The following ZNF358 variants were observed in gnomAD, a reference collection of about 807,000 sequenced individuals.
ZNF358 encodes zinc finger protein 358.
Under a neutral mutation model 2.1 loss-of-function variants are expected in ZNF358, and 1 was observed. The observed-to-expected ratio is 0.49, with a 90% CI of 0.17 to 2.30. The LOEUF is 2.30. ZNF358 is among the 30% of genes most tolerant of loss of function. ZNF358 has a pLI of 0.26. For missense variants in ZNF358, 665 were observed against 806.8 expected (o/e 0.82, Z 2.13); for synonymous variants, 381 against 359.7 (o/e 1.06, Z -0.67).
Position 7,520,693 on chromosome 19 carries a change from C to A in ZNF358, c.1451C>A (p.Ser484Tyr), listed in dbSNP as rs1445758472. The change falls in exon 2 of 2, where the codon TCC becomes TAC. Residue 484 changes from serine to tyrosine, a missense_variant. Coordinates refer to ENST00000597229, the MANE Select transcript of ZNF358 (RefSeq NM_018083.5). The surrounding 1 kb of genome is among the most constrained non-coding windows in gnomAD (Gnocchi z 6.0). ...PSSKPLPGSR[S>Y]TPSPTPVESS... ...TCCAAACCCCTCCCCGGCTCCAGAT[C>A]CACCCCCAGCCCTACTCCTGTGGAA... The A allele has an allele frequency of 6.2e-7, 1 of 1,613,752 alleles. No homozygotes were observed. Among genetic ancestry groups the A allele is most frequent in the South Asian group, 1.1e-5 (1 of 91,080 alleles).
rs1314385637 is a variant in ZNF358, at chr19:7,519,573, G to C, written c.331G>C (p.Asp111His). ...PVPLILDPNS[D>H]TLSPGDPKVD... ...ACCCCTGATTCTCGATCCTAACAGCGACACCCTCAGCCCCGGCGATCCAAA... is the reference window on the plus strand; with the variant it reads ...ACCCCTGATTCTCGATCCTAACAGCCACACCCTCAGCCCCGGCGATCCAAA... Residue 111 changes from aspartate (D) to histidine (H), a missense_variant, in exon 2 of 2, where the codon GAC (aspartate) becomes CAC (histidine). Asp to His is a moderately conservative substitution (Grantham distance 81). Around this residue, in one of 3 missense-constraint regions of ZNF358, gnomAD observed 206 missense variants for 228.4 expected, o/e 0.90. Transcript: ENST00000597229. 1.2e-6 allele frequency: 2 copies of C among 1,601,072 alleles called. No individual in the cohort carries two copies. Among genetic ancestry groups the C allele is most frequent in the Non-Finnish European group, 1.7e-6 (2 of 1,179,902 alleles).
At chr19:7,518,598 A>AGAAG (rs111382515) in intron 1 of ZNF358, among the ~76,000 whole-genome samples, 1 of 142,366 alleles carries the variant, frequency 7.0e-6, no homozygotes, top group South Asian at 2.2e-4. Flanking sequence ...AAAGAAAGAA[A>AGAAG]GAATTGAAGT....
rs1331553445 is a variant in ZNF358 at position 7,519,577 on chromosome 19, C to T, written c.335C>T (p.Thr112Ile). 1.2e-6 allele frequency: 2 copies of T among 1,600,890 alleles called. No homozygotes were observed. Among genetic ancestry groups the T allele is most frequent in the Non-Finnish European group, 1.7e-6 (2 of 1,179,924 alleles). ...VPLILDPNSD[T>I]LSPGDPKVDP... ...CTGATTCTCGATCCTAACAGCGACA[C>T]CCTCAGCCCCGGCGATCCAAAAGTG... is the stretch of plus-strand genomic sequence containing the variant. The change falls in exon 2 of 2, where the codon ACC (threonine) becomes ATC (isoleucine). Residue 112 changes from threonine to isoleucine, a missense_variant. Transcript: ENST00000597229.
In ZNF358 at chr19:7,519,633, C is replaced by T; in HGVS notation, c.391C>T (p.Pro131Ser). The T allele has an allele frequency of 6.3e-7, 1 of 1,593,472 alleles. No individual in the cohort carries two copies. Among genetic ancestry groups the T allele is most frequent in the African/African-American group, 1.3e-5 (1 of 74,946 alleles). Residue 131 changes from proline to serine, a missense_variant, in exon 2 of 2, where the codon CCC (proline) becomes TCC (serine). Pro to Ser is a moderately conservative substitution (Grantham distance 74). Transcript: ENST00000597229. ...DPISSGLTATPQVLATSPAVL... is the reference protein window; with the variant it reads ...DPISSGLTATSQVLATSPAVL... ...CATCTCCTCTGGCCTCACTGCCACCCCCCAGGTCTTGGCCACCAGCCCCGC... is the reference window on the plus strand; with the variant it reads ...CATCTCCTCTGGCCTCACTGCCACCTCCCAGGTCTTGGCCACCAGCCCCGC...
In ZNF358 at chr19:7,519,863, C is replaced by T; in HGVS notation, c.621C>T (p.Tyr207=). The T allele has an allele frequency of 6.5e-7, 1 of 1,531,594 alleles. No individual in the cohort carries two copies. Among genetic ancestry groups the T allele is most frequent in the East Asian group, 2.5e-5 (1 of 40,688 alleles). The allele number at this position is 1,531,594 out of a possible 1,614,324, so 94.9% of individuals were successfully genotyped here. ...GCATCCACACTGGGGCGCGGCCGTACCAGTGCGCGGCCTGCGGCAAGGCCT... is the reference window on the plus strand; with the variant it reads ...GCATCCACACTGGGGCGCGGCCGTATCAGTGCGCGGCCTGCGGCAAGGCCT... ...HRGIHTGARP[Y]QCAACGKAFG... Residue 207 remains tyrosine (Y), a synonymous_variant, in exon 2 of 2, where the codon TAC becomes TAT. Transcript: ENST00000597229.
rs754010867 is a variant in ZNF358, at chr19:7,520,223, C to T, written c.981C>T (p.Ala327=). ...RPYRCPHCGK[A]FGQSSNLQHH... Reference sequence around the variant, plus strand: ...ACCGCTGCCCCCACTGCGGCAAAGCCTTCGGGCAGAGCTCCAACTTGCAAC... The same window carrying T: ...ACCGCTGCCCCCACTGCGGCAAAGCTTTCGGGCAGAGCTCCAACTTGCAAC... Residue 327 remains alanine, a synonymous_variant, in exon 2 of 2, where the codon GCC becomes GCT. Coordinates refer to ENST00000597229, the MANE Select transcript of ZNF358 (RefSeq NM_018083.5). This position sits in a 1 kb window ranked among gnomAD's most constrained non-coding sequence, Gnocchi z 6.0. 13 of 1,606,544 alleles carry T rather than the reference C, an allele frequency of 8.1e-6. No individual in the cohort carries two copies. The highest frequency in any genetic ancestry group is 1.7e-5 in the Admixed American group (1 of 59,972).
chr19:7,519,613 C>A lies in ZNF358; in HGVS notation c.371C>A (p.Ser124Tyr), dbSNP rs770217660. 8 of 1,598,056 alleles carry A rather than the reference C, an allele frequency of 5.0e-6. No homozygotes were observed. Among genetic ancestry groups the A allele is most frequent in the Non-Finnish European group, 5.9e-6 (7 of 1,179,048 alleles). The change falls in exon 2 of 2, where the codon TCC becomes TAC. Residue 124 changes from serine (S) to tyrosine (Y), a missense_variant. By Grantham distance (144) the Ser-to-Tyr change is moderately radical. Around this residue, in one of 3 missense-constraint regions of ZNF358, gnomAD observed 206 missense variants for 228.4 expected, o/e 0.90. Transcript: ENST00000597229. ...GGCGATCCAAAAGTGGACCCCATCT[C>A]CTCTGGCCTCACTGCCACCCCCCAG... is the stretch of plus-strand genomic sequence containing the variant. ...SPGDPKVDPI[S>Y]SGLTATPQVL...
Position 7,520,602 on chromosome 19 carries a change from C to A in ZNF358, c.1360C>A (p.Pro454Thr). 1 of 1,445,368 alleles carries A rather than the reference C, an allele frequency of 6.9e-7. No individual in the cohort carries two copies. Among genetic ancestry groups the A allele is most frequent in the Non-Finnish European group, 9.5e-7 (1 of 1,049,524 alleles). 89.5% of individuals were successfully genotyped at this position (1,445,368 alleles called of 1,614,324 possible). Residue 454 changes from proline (P) to threonine (T), a missense_variant, in exon 2 of 2, where the codon CCT becomes ACT. Transcript: ENST00000597229. The surrounding 1 kb of genome is among the most constrained non-coding windows in gnomAD (Gnocchi z 6.0). ...SVLGSGLGLS[P>T]GTSSGRNPDP... ...GCTCGGCTCTGGCTTGGGCCTCAGC[C>A]CTGGCACCAGCTCTGGCCGCAACCC...
upstream of ZNF358, chr19:7,513,995 T>C (rs2022304582): frequency 1.3e-5 from 2 of 152,218 alleles, no homozygotes; most frequent in Admixed American, 6.5e-5. Flanking sequence ...GAATGAGTTC[T>C]GTGGCTTCAG....
In ZNF358 at chr19:7,520,109, G is replaced by A; in HGVS notation, c.867G>A (p.Arg289=). 1 of 1,595,056 alleles carries A rather than the reference G, an allele frequency of 6.3e-7. No individual in the cohort carries two copies. Among genetic ancestry groups the A allele is most frequent in the South Asian group, 1.1e-5 (1 of 90,592 alleles). ...LKHLRTHTGE[R]PYPCPQCGKA... Reference sequence around the variant, plus strand: ...ACCTGCGCACGCACACGGGCGAGCGGCCCTACCCGTGTCCGCAGTGCGGCA... The same window carrying A: ...ACCTGCGCACGCACACGGGCGAGCGACCCTACCCGTGTCCGCAGTGCGGCA... The change falls in exon 2 of 2, where the codon CGG becomes CGA. Residue 289 remains arginine (R), a synonymous_variant. Transcript: ENST00000597229. The surrounding 1 kb of genome is among the most constrained non-coding windows in gnomAD (Gnocchi z 6.0).
intron 1 of ZNF358, among the ~76,000 whole-genome samples, chr19:7,518,009 C>T (rs537778249): frequency 6.6e-6 from 1 of 152,320 alleles, no homozygotes; most frequent in Admixed American, 6.5e-5. Flanking sequence ...AGCACAGAAA[C>T]GCTGACACCC....
Position 7,519,212 on chromosome 19 carries a change from C to A in ZNF358, c.-31C>A, listed in dbSNP as rs372494353. ...CTATCCTTGCCCTTGCAGGTCTTGC[C>A]CCAGAAGCTGCGGGCACATCCACGC... is the stretch of plus-strand genomic sequence containing the variant. On this transcript the variant is annotated 5_prime_UTR_variant, in exon 2 of 2. Transcript: ENST00000597229. 31 of 1,601,220 alleles carry A rather than the reference C, an allele frequency of 1.9e-5. No individual in the cohort carries two copies. The highest frequency in any genetic ancestry group is 2.4e-5 in the Non-Finnish European group (28 of 1,173,982).
upstream of ZNF358, chr19:7,515,336 G>A (rs2022321730): frequency 6.6e-6 from 1 of 152,200 alleles, no homozygotes; most frequent in African/African-American, 2.4e-5. Flanking sequence ...CCCGGCGTAG[G>A]GTTCTCCGGA....
rs1429750935 is a variant in ZNF358 at position 7,520,740 on chromosome 19, C to A, written c.1498C>A (p.His500Asn). The part of the protein sequence containing the change: ...PVESSDPKAG[H>N]DAGPDLVPSP... ...GGAATCTTCTGACCCAAAGGCTGGG[C>A]ACGACGCTGGTCCCGACCTTGTGCC... The change falls in exon 2 of 2, where the codon CAC becomes AAC. Residue 500 changes from histidine (H) to asparagine (N), a missense_variant. Around this residue, in one of 3 missense-constraint regions of ZNF358, gnomAD observed 249 missense variants for 227.6 expected, o/e 1.09. Transcript: ENST00000597229. The surrounding 1 kb of genome is among the most constrained non-coding windows in gnomAD (Gnocchi z 6.0). 6.2e-7 allele frequency: 1 copy of A among 1,613,918 alleles called. No homozygotes were observed. Among genetic ancestry groups the A allele is most frequent in the Non-Finnish European group, 8.5e-7 (1 of 1,180,028 alleles).
At chr19:7,518,553 G>A (rs62109851) in intron 1 of ZNF358, among the ~76,000 whole-genome samples, 38 of 22,568 alleles carry the variant, frequency 1.7e-3, no homozygotes, top group South Asian at 5.8e-3. Context: ...GAAAGAGAGA[G>A]AGAGAGAAAG....
intron 1 of ZNF358, among the ~76,000 whole-genome samples, chr19:7,518,555 GAGAGAAAGAAAGAA>G (rs2022384124): frequency 1.5e-5 from 2 of 136,826 alleles, no homozygotes; most frequent in Admixed American, 7.3e-5. Flanking sequence ...AAGAGAGAGA[GAGAGAAAGAAAGAA>G]AGAAAGAAAG....
chr19:7,517,381 C>T (rs1336466310), intron 1 of ZNF358, among the ~76,000 whole-genome samples: 2 of 152,106 alleles, frequency 1.3e-5, no homozygotes, highest in African/African-American at 4.8e-5. Context: ...TTATTTTTGC[C>T]TATCCTCCAG....
chr19:7,515,008 C>G (rs569775086), upstream of ZNF358, among the ~76,000 whole-genome samples: 1 of 152,124 alleles, frequency 6.6e-6, no homozygotes, highest in Non-Finnish European at 1.5e-5. Context: ...CTAGGTATTT[C>G]AGTGATTTTT....
rs201661306 is a variant in ZNF358 at position 7,520,872 on chromosome 19, G to C, written c.1630G>C (p.Val544Leu). 5.2e-5 allele frequency: 84 copies of C among 1,614,064 alleles called. 1 individual carries two copies. The East Asian group carries it at 1.7e-3, about 33-fold the overall frequency. Residue 544 changes from valine (V) to leucine (L), a missense_variant, in exon 2 of 2, where the codon GTC becomes CTC. This residue lies in a region of ZNF358 where 249 missense variants were observed against 227.6 expected (regional missense o/e 1.09). Coordinates refer to ENST00000597229, the MANE Select transcript of ZNF358 (RefSeq NM_018083.5). This position sits in a 1 kb window ranked among gnomAD's most constrained non-coding sequence, Gnocchi z 6.0. ...CCCCTGTTCTCCCACTCGTGGCACT[G>C]TCAGCCCAGCCCTCCCTACCGGCGA... ...PDPCSPTRGT[V>L]SPALPTGESP...
Sources: gnomAD v4.1 joint callset for allele counts (sites outside exome capture counted in the v4.1 genomes callset) on GRCh38, gnomAD v4.1.1 for gene constraint, gnomAD v4.1.1 regional missense constraint, Gnocchi (gnomAD v3.1) non-coding constraint, MANE v1.5 for transcripts, NCBI Gene and HGNC (gene_info 2026-07-23, HGNC 2026-07-21) for gene names.